ALPK1: variants seen among roughly 807,000 people sequenced by gnomAD.
ALPK1 encodes alpha kinase 1, also known as alpha-protein kinase 1.
A neutral mutation model predicts 120.6 loss-of-function variants in ALPK1; 110 were observed. The ratio of observed to expected loss-of-function variants is 0.91; its 90% CI spans 0.78 to 1.07. ALPK1 has a LOEUF of 1.07. ALPK1 is among the 50% of genes least tolerant of loss of function. The pLI is 0.00. For synonymous variants in ALPK1, 582 were observed against 560.3 expected, an observed-to-expected ratio of 1.04 and a Z score of -0.55; for missense variants, 1,498 against 1,483.9, an observed-to-expected ratio of 1.01 and a Z score of -0.16.
Position 112,441,329 on chromosome 4 carries a change from A to G in ALPK1, c.*119A>G, listed in dbSNP as rs1020668436. On this transcript the variant is annotated 3_prime_UTR_variant, in exon 16 of 16. Transcript: ENST00000650871. ...AAGTCCTGCATTTAATTGGCAGCACAAGATCCTGCAGAGCCTCTTTCCCTC... is the reference window on the plus strand; with the variant it reads ...AAGTCCTGCATTTAATTGGCAGCACGAGATCCTGCAGAGCCTCTTTCCCTC... 8.6e-6 allele frequency: 7 copies of G among 811,730 alleles called. No homozygotes were observed. Among genetic ancestry groups the G allele is most frequent in the African/African-American group, 8.4e-5 (5 of 59,588 alleles). 50.3% of individuals were successfully genotyped at this position (811,730 alleles called of 1,614,324 possible).
intron 14 of ALPK1, among the ~76,000 whole-genome samples, chr4:112,440,374 TTGTC>T (rs1734982550): frequency 2.0e-5 from 3 of 152,286 alleles, no homozygotes; most frequent in South Asian, 4.1e-4. Context: ...TTGTTTTAGT[TTGTC>T]TGGTATTTTA....
chr4:112,405,808 C>A (rs890407182), intron 4 of ALPK1, among the ~76,000 whole-genome samples: 10 of 152,264 alleles, frequency 6.6e-5, no homozygotes, highest in South Asian at 4.1e-4. Context: ...AACTCCTGGC[C>A]TCATGATTCA....
chr4:112,396,576 T>C (rs1393129509), intron 4 of ALPK1, among the ~76,000 whole-genome samples: 1 of 152,182 alleles, frequency 6.6e-6, no homozygotes, highest in African/African-American at 2.4e-5. Flanking sequence ...GAAGCTTAAT[T>C]TCTTTCTCAT....
intron 2 of ALPK1, among the ~76,000 whole-genome samples, chr4:112,320,043 C>T (rs762153917): frequency 6.6e-5 from 10 of 152,292 alleles, no homozygotes; most frequent in Non-Finnish European, 1.3e-4. Flanking sequence ...ATTTCTTTCT[C>T]TTATCTGATT....
At position 112,431,455 on chromosome 4, in the gene ALPK1, A is replaced by G. The variant is rs1734546540; in HGVS notation, c.1908A>G (p.Arg636=). 6.2e-7 allele frequency: 1 copy of G among 1,614,090 alleles called. No individual in the cohort carries two copies. Among genetic ancestry groups the G allele is most frequent in the Non-Finnish European group, 8.5e-7 (1 of 1,180,046 alleles). ...SEELENDREG[R]AMHSLHSQLH... is the part of the protein sequence containing the mutation. ...AGCTAGAGAATGACAGGGAAGGCAG[A>G]GCTATGCATTCATTGCATTCACAGC... Residue 636 remains arginine (R), a synonymous_variant, in exon 11 of 16, where the codon AGA becomes AGG. Transcript: ENST00000650871.
intron 2 of ALPK1, among the ~76,000 whole-genome samples, chr4:112,345,212 G>A (rs1219768946): frequency 1.3e-5 from 2 of 152,134 alleles, no homozygotes; most frequent in African/African-American, 4.8e-5. Flanking sequence ...CCATACTAAT[G>A]GCTTTGAAGT....
At position 112,435,320 on chromosome 4, in the gene ALPK1, T is replaced by C; in HGVS notation, c.3188+19T>C. 1 of 1,598,690 alleles carries C rather than the reference T, an allele frequency of 6.3e-7. No individual in the cohort carries two copies. Among genetic ancestry groups the C allele is most frequent in the Non-Finnish European group, 8.5e-7 (1 of 1,172,300 alleles). Reference sequence around the variant, plus strand: ...TGGGGAGGTATTACTTAAAAACATTTGTATAACTAATGTAAGATGAGCTAA... The same window carrying C: ...TGGGGAGGTATTACTTAAAAACATTCGTATAACTAATGTAAGATGAGCTAA... On this transcript the variant is annotated intron_variant, in intron 12 of 15. Transcript: ENST00000650871.
chr4:112,298,420 C>T (rs539822100), intron 1 of ALPK1, among the ~76,000 whole-genome samples: 3 of 152,104 alleles, frequency 2.0e-5, no homozygotes, highest in Admixed American at 6.5e-5. Flanking sequence ...GTCTGCTGAC[C>T]GAAACAATTT....
At chr4:112,392,471 ATAT>A (rs1233024418) in intron 4 of ALPK1, among the ~76,000 whole-genome samples, 1 of 152,158 alleles carries the variant, frequency 6.6e-6, no homozygotes, top group Non-Finnish European at 1.5e-5. Context: ...CATTCTTAGA[ATAT>A]TATTATTATT....
At chr4:112,312,967 A>C (rs887209694) in intron 1 of ALPK1, among the ~76,000 whole-genome samples, 1 of 152,182 alleles carries the variant, frequency 6.6e-6, no homozygotes, top group African/African-American at 2.4e-5. Context: ...AACTGCTCCT[A>C]TTCAGCCTCT....
chr4:112,415,499 T>C (rs768245099), intron 5 of ALPK1, among the ~76,000 whole-genome samples: 82 of 152,032 alleles, frequency 5.4e-4, no homozygotes, highest in Non-Finnish European at 1.9e-4. Context: ...TAGCCTGGTG[T>C]GGTGGCAGGC....
At chr4:112,326,926 T>C (rs1431451986) in intron 2 of ALPK1, among the ~76,000 whole-genome samples, 1 of 152,198 alleles carries the variant, frequency 6.6e-6, no homozygotes, top group Non-Finnish European at 1.5e-5. Context: ...TCTGGAATGC[T>C]GCTGGACTAA....
chr4:112,423,541 C>A (rs1380063609), intron 5 of ALPK1, among the ~76,000 whole-genome samples: 1 of 152,148 alleles, frequency 6.6e-6, no homozygotes, highest in Non-Finnish European at 1.5e-5. Flanking sequence ...TCACTCCCCA[C>A]CCCCAAATTC....
intron 2 of ALPK1, among the ~76,000 whole-genome samples, chr4:112,324,514 A>G (rs978919425): frequency 6.6e-6 from 1 of 151,862 alleles, no homozygotes; most frequent in African/African-American, 2.4e-5. Context: ...GTCTAACTCT[A>G]TTGTCCTGGA....
intron 2 of ALPK1, among the ~76,000 whole-genome samples, chr4:112,371,388 C>T (rs560807554): frequency 3.3e-5 from 5 of 152,160 alleles, no homozygotes; most frequent in South Asian, 4.1e-4. Flanking sequence ...CTGCACAGCC[C>T]GTATTTACCT....
intron 2 of ALPK1, among the ~76,000 whole-genome samples, chr4:112,376,794 G>A (rs755460868): frequency 1.1e-4 from 16 of 152,164 alleles, no homozygotes; most frequent in Non-Finnish European, 1.9e-4. Flanking sequence ...ATGCCCTCCA[G>A]GAGTGTCTAA....
chr4:112,382,348 C>T (rs1298811735), intron 3 of ALPK1, 50 bp from the exon 4 acceptor site: 5 of 1,353,944 alleles, frequency 3.7e-6, no homozygotes, highest in Non-Finnish European at 5.1e-6. Context: ...GGTAGCTCAA[C>T]AGCCTTTTCT....
rs371826334 is a variant in ALPK1 at position 112,340,689 on chromosome 4, C to T, written c.-101+24837C>T. ...TCTTATTTGTGATTTCCACTTTGTG[C>T]GTGAGCAATGTCCTTCTACTCAATG... On this transcript the variant is annotated intron_variant, in intron 2 of 15. Coordinates refer to ENST00000650871, the MANE Select transcript of ALPK1 (RefSeq NM_025144.4). 4.6e-5 allele frequency among the ~76,000 whole-genome samples: 7 copies of T among 152,302 alleles called. No homozygotes were observed. In the South Asian group the frequency reaches 8.3e-4, roughly 18 times the overall value.
chr4:112,378,921 T>A (rs1446845729), intron 3 of ALPK1, among the ~76,000 whole-genome samples: 1 of 152,218 alleles, frequency 6.6e-6, no homozygotes, highest in African/African-American at 2.4e-5. Context: ...TTTCACAGCC[T>A]CAGTTTCTGT....
Sources: allele counts gnomAD v4.1 joint callset (sites outside exome capture counted in the v4.1 genomes callset), GRCh38; gene constraint gnomAD v4.1.1; transcripts MANE v1.5; gene names NCBI Gene and HGNC (gene_info 2026-07-23, HGNC 2026-07-21).